Variants in VSTM2L observed in about 807,000 individuals in gnomAD.
The protein encoded by VSTM2L is V-set and transmembrane domain-containing protein 2-like protein.
Under a neutral mutation model 19.9 loss-of-function variants are expected in VSTM2L, and 9 were observed. The observed-to-expected ratio is 0.45, with a 90% CI of 0.27 to 0.79. The LOEUF is 0.79. VSTM2L is among the 30% of genes least tolerant of loss of function. VSTM2L has a pLI of 0.15. For missense variants in VSTM2L, 286 were observed against 295.5 expected, an observed-to-expected ratio of 0.97 and a Z score of 0.24; for synonymous variants, 127 against 133.8, an observed-to-expected ratio of 0.95 and a Z score of 0.35.
At position 37,921,546 on chromosome 20, in the gene VSTM2L, A is replaced by G. The variant is rs144865015; in HGVS notation, c.122-10089A>G. Reference sequence around the variant, plus strand: ...TCTAGCTGCCGGGACATGGCAGTGAACAGACTAGAATCTCCTGCCTTTAAC... The same window carrying G: ...TCTAGCTGCCGGGACATGGCAGTGAGCAGACTAGAATCTCCTGCCTTTAAC... On this transcript the variant is annotated intron_variant, in intron 1 of 3. Transcript: ENST00000373461. Among the ~76,000 whole-genome samples the G allele has an allele frequency of 8.6e-4, 131 of 152,308 alleles. 1 individual carries two copies. The highest frequency in any genetic ancestry group is 2.8e-3 in the African/African-American group (116 of 41,554).
intron 1 of VSTM2L, among the ~76,000 whole-genome samples, chr20:37,914,905 G>GC (rs1028400489): frequency 4.5e-4 from 68 of 152,302 alleles, no homozygotes; most frequent in African/African-American, 1.6e-3. Context: ...CTTCCTCAGA[G>GC]CCCCCAGGCT....
intron 1 of VSTM2L, among the ~76,000 whole-genome samples, chr20:37,919,147 A>G (rs2072836376): frequency 6.6e-6 from 1 of 152,160 alleles, no homozygotes; most frequent in Non-Finnish European, 1.5e-5. Flanking sequence ...GATCTCTTCC[A>G]TTCCTTTTGA....
chr20:37,929,612 GT>G (rs2072897378), intron 1 of VSTM2L, among the ~76,000 whole-genome samples: 1 of 152,192 alleles, frequency 6.6e-6, no homozygotes, highest in African/African-American at 2.4e-5. Flanking sequence ...TCTGGCTGCT[GT>G]GTGAAAATAG....
intron 1 of VSTM2L, among the ~76,000 whole-genome samples, chr20:37,914,385 T>TGGTGTGTATATGTGGGGGGA (rs1568835290): frequency 2.7e-5 from 4 of 150,566 alleles, no homozygotes; most frequent in Admixed American, 6.6e-5. Flanking sequence ...TGGGTGTATG[T>TGGTGTGTATATGTGGGGGGA]GTGGGTGTGT....
intron 1 of VSTM2L, among the ~76,000 whole-genome samples, chr20:37,926,740 C>T (rs549310508): frequency 1.3e-5 from 2 of 152,210 alleles, no homozygotes; most frequent in East Asian, 1.9e-4. Context: ...ACTATGTGGC[C>T]GTGGAAGGGT....
intron 1 of VSTM2L, among the ~76,000 whole-genome samples, chr20:37,913,681 C>G (rs1049279845): frequency 3.7e-4 from 57 of 152,330 alleles, no homozygotes; most frequent in African/African-American, 1.3e-3. Flanking sequence ...CCTTCTGGGC[C>G]TGTATCCAGG....
intron 1 of VSTM2L, among the ~76,000 whole-genome samples, chr20:37,911,828 A>T (rs182045123): frequency 2.2e-4 from 34 of 152,224 alleles, no homozygotes; most frequent in African/African-American, 7.9e-4. Context: ...AGCCTGTAGA[A>T]TTCTTCCATC....
At position 37,904,936 on chromosome 20, in the gene VSTM2L, T is replaced by G. The variant is rs576292544; in HGVS notation, c.121+1465T>G. 2.8e-3 allele frequency among the ~76,000 whole-genome samples: 429 copies of G among 152,260 alleles called. 6 individuals are homozygous for G. The highest frequency in any genetic ancestry group is 2.4e-3 in the Non-Finnish European group (164 of 68,000). On this transcript the variant is annotated intron_variant, in intron 1 of 3. Coordinates refer to ENST00000373461, the MANE Select transcript of VSTM2L (RefSeq NM_080607.3). ...TACCCTTCATGCCCCTCACCTCATT[T>G]CTACCGACCTGGCTAGAGCGGTGGT...
chr20:37,925,622 C>T (rs1021152693), intron 1 of VSTM2L, among the ~76,000 whole-genome samples: 1 of 152,228 alleles, frequency 6.6e-6, no homozygotes, highest in Admixed American at 6.5e-5. Flanking sequence ...GAGTTTCCCA[C>T]TTGTCCTGTG....
At chr20:37,942,231 T>C (rs1332334049) in intron 3 of VSTM2L, among the ~76,000 whole-genome samples, 1 of 152,182 alleles carries the variant, frequency 6.6e-6, no homozygotes, top group Non-Finnish European at 1.5e-5. Flanking sequence ...CCTATAATCC[T>C]GGCACTTCGG....
chr20:37,937,681 T>C (rs2122975599), intron 3 of VSTM2L, among the ~76,000 whole-genome samples: 1 of 152,346 alleles, frequency 6.6e-6, no homozygotes, highest in African/African-American at 2.4e-5. Context: ...GGAAAGACCA[T>C]GGTCTCACAC....
Position 37,944,425 on chromosome 20 carries a change from A to AC in VSTM2L, c.*175dup. 2.1e-6 allele frequency: 1 copy of AC among 481,304 alleles called. No homozygotes were observed. The highest frequency in any genetic ancestry group is 3.2e-6 in the Non-Finnish European group (1 of 309,780). The allele number at this position is 481,304 out of a possible 1,614,324, so 29.8% of individuals were successfully genotyped here. A position where few individuals can be genotyped will look rare whatever the true frequency, so the allele number is the denominator to read the frequency against. ...ACCCCTTGCTCAGCATGTAAGCCCC[A>AC]CCCACCCCTGCCCTTTCAGACCCCT... On this transcript the variant is annotated 3_prime_UTR_variant, in exon 4 of 4. Transcript: ENST00000373461.
intron 1 of VSTM2L, among the ~76,000 whole-genome samples, chr20:37,920,650 C>T (rs115894757): frequency 0.014 from 2,176 of 152,198 alleles, 54 homozygotes; most frequent in African/African-American, 0.048. Flanking sequence ...GGGAGGAGGC[C>T]GGCCTGCCAA....
At chr20:37,933,400 C>T (rs572686462) in intron 2 of VSTM2L, 139 bp from the exon 3 acceptor site, 3 of 685,168 alleles carry the variant, frequency 4.4e-6, no homozygotes, top group East Asian at 2.8e-5. Flanking sequence ...ACTCCATGGC[C>T]CCCGAGCCTC....
chr20:37,911,361 T>A (rs529217768), intron 1 of VSTM2L, among the ~76,000 whole-genome samples: 2 of 152,122 alleles, frequency 1.3e-5, no homozygotes, highest in Admixed American at 1.3e-4. Context: ...GTGTGCAAGC[T>A]GAGCCCTACC....
intron 1 of VSTM2L, among the ~76,000 whole-genome samples, chr20:37,918,490 G>A (rs1018957106): frequency 1.3e-5 from 2 of 152,210 alleles, no homozygotes; most frequent in Admixed American, 6.5e-5. Context: ...TAGAATTTAC[G>A]AATGCTGTTT....
In VSTM2L at chr20:37,945,279, G is replaced by A. The variant is rs1568846246; in HGVS notation, c.*1026G>A. On this transcript the variant is annotated 3_prime_UTR_variant, in exon 4 of 4. Coordinates refer to ENST00000373461, the MANE Select transcript of VSTM2L (RefSeq NM_080607.3). ...GGGAGAGGCCGAGGGCTTTGCCTAG[G>A]GGTGGGTTGCCCTGTATACATGATC... 2 of 985,352 alleles carry A rather than the reference G, an allele frequency of 2.0e-6. No homozygotes were observed. The highest frequency in any genetic ancestry group is 4.7e-5 in the South Asian group (1 of 21,294). 61.0% of individuals were successfully genotyped at this position (985,352 alleles called of 1,614,324 possible).
chr20:37,908,276 C>A (rs377044486), intron 1 of VSTM2L, among the ~76,000 whole-genome samples: 2 of 152,164 alleles, frequency 1.3e-5, no homozygotes, highest in Non-Finnish European at 2.9e-5. Flanking sequence ...TGGGCAAAGT[C>A]GCCTGCGGCA....
intron 2 of VSTM2L, among the ~76,000 whole-genome samples, chr20:37,932,505 C>T (rs145159057): frequency 2.8e-4 from 43 of 152,180 alleles, no homozygotes; most frequent in African/African-American, 9.9e-4. Flanking sequence ...ACCAATGACC[C>T]GCAAAGTTGG....
Sources: gnomAD v4.1 joint callset for allele counts (sites outside exome capture counted in the v4.1 genomes callset) on GRCh38, gnomAD v4.1.1 for gene constraint, MANE v1.5 for transcripts, NCBI Gene and HGNC (gene_info 2026-07-23, HGNC 2026-07-21) for gene names.